ITGA9: variants seen among roughly 807,000 people sequenced by gnomAD.
ITGA9 encodes the protein integrin subunit alpha 9.
A neutral mutation model predicts 127.8 loss-of-function variants in ITGA9; 56 were observed. That is an observed-to-expected ratio of 0.44 (90% CI 0.35 to 0.55). The LOEUF is 0.55. Among genes scored for constraint, ITGA9 ranks in the 20% least tolerant of loss-of-function variants. The pLI is 0.00. For synonymous variants in ITGA9, 508 were observed against 514.5 expected (o/e 0.99, Z 0.17); for missense variants, 1,196 against 1,347.1 (o/e 0.89, Z 1.76).
intron 15 of ITGA9, among the ~76,000 whole-genome samples, chr3:37,601,644 T>G (rs1699923404): frequency 6.6e-6 from 1 of 152,230 alleles, no homozygotes; most frequent in Admixed American, 6.5e-5. Context: ...CTTCCACGCC[T>G]CATCAACATG....
chr3:37,584,559 A>G (rs1182663191), intron 15 of ITGA9, among the ~76,000 whole-genome samples: 2 of 152,124 alleles, frequency 1.3e-5, no homozygotes, highest in South Asian at 2.1e-4. Context: ...GATTGAGACC[A>G]TCCTGGCCAA....
At chr3:37,501,111 A>G (rs1219309731) in intron 5 of ITGA9, among the ~76,000 whole-genome samples, 1 of 152,144 alleles carries the variant, frequency 6.6e-6, no homozygotes, top group Non-Finnish European at 1.5e-5. Flanking sequence ...TGCCCAATAA[A>G]CATTGTTGAG....
chr3:37,715,471 C>T (rs894046316), intron 18 of ITGA9, among the ~76,000 whole-genome samples: 3 of 152,218 alleles, frequency 2.0e-5, no homozygotes, highest in Non-Finnish European at 4.4e-5. Flanking sequence ...AGGAGAGTGG[C>T]TTCAACCTGC....
intron 15 of ITGA9, among the ~76,000 whole-genome samples, chr3:37,594,819 G>T (rs1699853678): frequency 1.3e-5 from 2 of 152,148 alleles, no homozygotes; most frequent in African/African-American, 4.8e-5. Context: ...TCGCTATGTT[G>T]CCCAGGCTAG....
intron 3 of ITGA9, among the ~76,000 whole-genome samples, chr3:37,476,260 C>G (rs1698493020): frequency 6.6e-6 from 1 of 152,172 alleles, no homozygotes; most frequent in African/African-American, 2.4e-5. Flanking sequence ...TAAGAAACCT[C>G]CATACTATTT....
intron 1 of ITGA9, 148 bp from the exon 2 acceptor site, chr3:37,470,859 T>TC (rs1441420129): frequency 1.3e-6 from 1 of 784,878 alleles, no homozygotes; most frequent in Non-Finnish European, 2.2e-6. Flanking sequence ...TTAGGACCTC[T>TC]CCCCCAAGCC....
At chr3:37,782,210 G>A (rs1013553323) in intron 25 of ITGA9, among the ~76,000 whole-genome samples, 1 of 152,220 alleles carries the variant, frequency 6.6e-6, no homozygotes, top group African/African-American at 2.4e-5. Context: ...CAGTTTTATT[G>A]CCTGTGCCAT....
intron 16 of ITGA9, among the ~76,000 whole-genome samples, chr3:37,651,654 G>A (rs2070482): frequency 0.56 from 85,348 of 151,992 alleles, 24,405 homozygotes; most frequent in African/African-American, 0.67. Context: ...CAGTAGGAGG[G>A]AAAAGTGTGT....
intron 6 of ITGA9, 60 bp from the exon 7 acceptor site, chr3:37,505,940 T>C (rs1698836433): frequency 6.6e-6 from 8 of 1,208,010 alleles, no homozygotes; most frequent in Middle Eastern, 1.9e-4. Context: ...CTGATGGATG[T>C]TTTTTTTTCC....
At chr3:37,697,622 G>C (rs1700899737) in intron 18 of ITGA9, among the ~76,000 whole-genome samples, 1 of 152,062 alleles carries the variant, frequency 6.6e-6, no homozygotes, top group Non-Finnish European at 1.5e-5. Context: ...TGCTCAGAAT[G>C]ATGGTTTCCA....
intron 18 of ITGA9, among the ~76,000 whole-genome samples, chr3:37,695,051 T>C (rs1208568082): frequency 6.6e-6 from 1 of 152,156 alleles, no homozygotes; most frequent in Admixed American, 6.5e-5. Flanking sequence ...AGCCTGATGC[T>C]GCAAGGGGGA....
chr3:37,454,168 C>G (rs1285707340), intron 1 of ITGA9, among the ~76,000 whole-genome samples: 1 of 152,200 alleles, frequency 6.6e-6, no homozygotes, highest in Non-Finnish European at 1.5e-5. Context: ...CCAGCCGGAG[C>G]ATTGTGTGTG....
intron 4 of ITGA9, among the ~76,000 whole-genome samples, chr3:37,488,853 A>C (rs895162582): frequency 6.6e-6 from 1 of 152,122 alleles, no homozygotes; most frequent in Non-Finnish European, 1.5e-5. Context: ...CATTTTAACC[A>C]TTTTTAAGTG....
intron 15 of ITGA9, among the ~76,000 whole-genome samples, chr3:37,606,579 A>G (rs1336166848): frequency 6.6e-6 from 1 of 152,238 alleles, no homozygotes; most frequent in African/African-American, 2.4e-5. Flanking sequence ...CCTAACGTCC[A>G]TGAAGATCAT....
chr3:37,678,523 A>G (rs1700704348), intron 17 of ITGA9, among the ~76,000 whole-genome samples: 2 of 152,258 alleles, frequency 1.3e-5, no homozygotes, highest in Non-Finnish European at 2.9e-5. Flanking sequence ...TGGTTGGTAG[A>G]TACAATACCG....
At chr3:37,670,712 T>A (rs926088602) in intron 17 of ITGA9, among the ~76,000 whole-genome samples, 1 of 152,262 alleles carries the variant, frequency 6.6e-6, no homozygotes, top group African/African-American at 2.4e-5. Flanking sequence ...ATGTTTTTTT[T>A]AAAGCATATT....
chr3:37,726,374 A>G (rs1383968391), intron 18 of ITGA9, among the ~76,000 whole-genome samples: 3 of 152,354 alleles, frequency 2.0e-5, no homozygotes, highest in African/African-American at 7.2e-5. Context: ...TGAGACTTCA[A>G]ACTCTACCTA....
chr3:37,621,719 T>C (rs1375757214), intron 15 of ITGA9, among the ~76,000 whole-genome samples: 2 of 152,234 alleles, frequency 1.3e-5, no homozygotes, highest in African/African-American at 4.8e-5. Flanking sequence ...TGAAGAGTAA[T>C]TGGTGCTTTT....
intron 15 of ITGA9, among the ~76,000 whole-genome samples, chr3:37,585,434 C>A (rs766129373): frequency 9.2e-5 from 14 of 152,170 alleles, no homozygotes; most frequent in Non-Finnish European, 1.9e-4. Context: ...AACCACCATC[C>A]CTCTCCCAAG....
Sources: gnomAD v4.1 joint callset for allele counts (sites outside exome capture counted in the v4.1 genomes callset) on GRCh38, gnomAD v4.1.1 for gene constraint, MANE v1.5 for transcripts, NCBI Gene and HGNC (gene_info 2026-07-23, HGNC 2026-07-21) for gene names.